The following SRGAP2 variants were observed in gnomAD, a reference collection of about 807,000 sequenced individuals.
SRGAP2 encodes SLIT-ROBO Rho GTPase activating protein 2.
SRGAP2 carries 15 observed loss-of-function variants against 57.2 expected under a neutral mutation model. The observed-to-expected ratio is 0.26, with a 90% confidence interval of 0.18 to 0.40. The LOEUF is 0.40. Ranked by LOEUF, SRGAP2 falls within the 10% of genes least tolerant of loss-of-function variation. The pLI is 1.00. For missense variants in SRGAP2, 520 were observed against 669.6 expected, an observed-to-expected ratio of 0.78 and a Z score of 2.47; for synonymous variants, 249 against 248.0, an observed-to-expected ratio of 1.00 and a Z score of -0.04.
chr1:206,411,299 TAGG>T (rs1553359526), intron 10 of SRGAP2, among the ~76,000 whole-genome samples: 1 of 152,104 alleles, frequency 6.6e-6, no homozygotes, highest in Non-Finnish European at 1.5e-5. Context: ...GGGAAGGTAA[TAGG>T]AGAGGAGGCA....
At chr1:206,452,234 A>G (rs1223754457) in intron 19 of SRGAP2, among the ~76,000 whole-genome samples, 1 of 152,214 alleles carries the variant, frequency 6.6e-6, no homozygotes, top group African/African-American at 2.4e-5. Context: ...ACACAAAAAT[A>G]AAGATAGATT....
At chr1:206,221,177 T>C (rs1470503300) in intron 2 of SRGAP2, among the ~76,000 whole-genome samples, 6 of 148,866 alleles carry the variant, frequency 4.0e-5, no homozygotes, top group Non-Finnish European at 7.4e-5. Flanking sequence ...CCTGACCTCA[T>C]GATCCGCCTG....
chr1:206,322,591 A>T (rs1175843455), intron 3 of SRGAP2, among the ~76,000 whole-genome samples: 1 of 137,170 alleles, frequency 7.3e-6, no homozygotes, highest in Non-Finnish European at 1.5e-5. Context: ...AAAAAAAAAA[A>T]AAAAAAAGAA....
intron 4 of SRGAP2, among the ~76,000 whole-genome samples, chr1:206,354,299 T>C (rs1202077211): frequency 1.3e-5 from 2 of 152,206 alleles, no homozygotes; most frequent in Non-Finnish European, 2.9e-5. Flanking sequence ...TACTGGTTGA[T>C]CACCTTGATC....
chr1:206,398,224 A>T (rs1231236868), intron 7 of SRGAP2, among the ~76,000 whole-genome samples: 2 of 152,190 alleles, frequency 1.3e-5, no homozygotes, highest in Non-Finnish European at 2.9e-5. Context: ...ACTTACTGGG[A>T]TTCTTCTTGG....
intron 12 of SRGAP2, among the ~76,000 whole-genome samples, chr1:206,419,886 A>T (rs1660142601): frequency 6.6e-6 from 1 of 151,750 alleles, no homozygotes; most frequent in African/African-American, 2.4e-5. Context: ...GAAATATTAC[A>T]TTGCATTGGC....
intron 3 of SRGAP2, among the ~76,000 whole-genome samples, chr1:206,328,307 A>C (rs1434163913): frequency 3.6e-5 from 4 of 112,418 alleles, no homozygotes; most frequent in African/African-American, 8.4e-5. Context: ...ATTTATAGTC[A>C]TTTGGGTATA....
chr1:206,456,289 C>T (rs1663824392), intron 21 of SRGAP2: 2 of 152,084 alleles, frequency 1.3e-5, no homozygotes. Flanking sequence ...ATCACTTACT[C>T]AGTGTAGTTA....
At chr1:206,340,634 G>A (rs1409567286) in intron 3 of SRGAP2, among the ~76,000 whole-genome samples, 8 of 150,186 alleles carry the variant, frequency 5.3e-5, no homozygotes, top group Non-Finnish European at 1.0e-4. Context: ...GTATCTTGCC[G>A]AGAGACACCA....
intron 7 of SRGAP2, 124 bp from the exon 8 acceptor site, chr1:206,401,297 G>T: frequency 1.4e-6 from 1 of 716,352 alleles, no homozygotes; most frequent in South Asian, 1.5e-5. Context: ...CGGAATGTCA[G>T]CCCTCTTTCT....
rs2103428503 is a variant in SRGAP2 at position 206,462,213 on chromosome 1, C to T, written c.*793C>T. 1 of 152,746 alleles carries T rather than the reference C, an allele frequency of 6.5e-6. No homozygotes were observed. The highest frequency in any genetic ancestry group is 2.4e-5 in the African/African-American group (1 of 41,546). The allele number at this position is 152,746 out of a possible 1,614,324, so 9.5% of individuals were successfully genotyped here. ...TGTTTGCTCTTGCCTCTCCTCCATC[C>T]CCTAGAAGTACACCCCCGTCTTATT... On this transcript the variant is annotated 3_prime_UTR_variant, in exon 23 of 23. Transcript: ENST00000573034.
intron 2 of SRGAP2, among the ~76,000 whole-genome samples, chr1:206,231,613 C>G (rs1307162748): frequency 6.7e-6 from 1 of 149,802 alleles, no homozygotes; most frequent in Non-Finnish European, 1.5e-5. Context: ...TCTCAGCTCA[C>G]TGCAACCTCT....
At chr1:206,225,751 G>A (rs1372983052) in intron 2 of SRGAP2, among the ~76,000 whole-genome samples, 9 of 152,158 alleles carry the variant, frequency 5.9e-5, no homozygotes, top group African/African-American at 1.9e-4. Context: ...AAGGGGCTTC[G>A]TGTTTGTTTG....
At chr1:206,409,674 C>G (rs1379808970) in intron 10 of SRGAP2, among the ~76,000 whole-genome samples, 2 of 151,388 alleles carry the variant, frequency 1.3e-5, no homozygotes, top group African/African-American at 2.4e-5. Context: ...CCCAGCTACT[C>G]AGGAGGCTAA....
chr1:206,459,185 T>C (rs541846959), intron 22 of SRGAP2, among the ~76,000 whole-genome samples: 16 of 152,326 alleles, frequency 1.1e-4, no homozygotes, highest in African/African-American at 3.8e-4. Context: ...TTCTTGCTCA[T>C]ACACTGGCTA....
At chr1:206,373,104 T>C (rs1337941342) in intron 4 of SRGAP2, among the ~76,000 whole-genome samples, 15 of 123,378 alleles carry the variant, frequency 1.2e-4, no homozygotes, top group South Asian at 5.2e-4. Context: ...TTTTTCTTTT[T>C]TTTTTTTTTT....
intron 2 of SRGAP2, among the ~76,000 whole-genome samples, chr1:206,281,451 C>T (rs1171079978): frequency 9.0e-6 from 1 of 111,190 alleles, no homozygotes; most frequent in Non-Finnish European, 1.7e-5. Flanking sequence ...ATAATACACA[C>T]CTGCCCAGGG....
At chr1:206,318,800 T>C (rs562161955) in intron 3 of SRGAP2, among the ~76,000 whole-genome samples, 1 of 152,142 alleles carries the variant, frequency 6.6e-6, no homozygotes, top group South Asian at 2.1e-4. Context: ...ATGAACTCAC[T>C]TATCACCACA....
intron 2 of SRGAP2, among the ~76,000 whole-genome samples, chr1:206,220,907 A>T (rs1403606373): frequency 6.7e-6 from 1 of 148,158 alleles, no homozygotes; most frequent in Non-Finnish European, 1.5e-5. Flanking sequence ...GCTAATTTCA[A>T]CCTGGCAGCC....
Sources: gnomAD v4.1 joint callset for allele counts (sites outside exome capture counted in the v4.1 genomes callset) on GRCh38, gnomAD v4.1.1 for gene constraint, MANE v1.5 for transcripts, NCBI Gene and HGNC (gene_info 2026-07-23, HGNC 2026-07-21) for gene names.